NTRK2: variants seen among roughly 807,000 people sequenced by gnomAD.
NTRK2 encodes neurotrophic receptor tyrosine kinase 2, also known as BDNF/NT-3 growth factors receptor.
NTRK2 carries 13 observed loss-of-function variants against 94.5 expected under a neutral mutation model. That is an observed-to-expected ratio of 0.14 (90% confidence interval 0.09 to 0.22). The LOEUF (loss-of-function observed/expected upper bound fraction) is 0.22, where lower values mean the gene tolerates loss of function less well. NTRK2 is among the 10% of genes least tolerant of loss of function. The pLI is 1.00. For synonymous variants in NTRK2, 372 were observed against 407.4 expected, an observed-to-expected ratio of 0.91 and a Z score of 1.05; for missense variants, 639 against 1,071.2, an observed-to-expected ratio of 0.60 and a Z score of 5.63.
intron 11 of NTRK2, among the ~76,000 whole-genome samples, chr9:84,749,088 T>A (rs899447044): frequency 6.6e-6 from 1 of 152,006 alleles, no homozygotes; most frequent in Non-Finnish European, 1.5e-5. Context: ...ATTAGCCAGG[T>A]GTGGTGGCAC....
At chr9:84,745,462 C>T (rs1038885068) in intron 11 of NTRK2, among the ~76,000 whole-genome samples, 7 of 152,002 alleles carry the variant, frequency 4.6e-5, no homozygotes, top group Admixed American at 1.3e-4. Flanking sequence ...AAGGGACTGG[C>T]GGTGGAGGGG....
chr9:84,934,707 G>T (rs964914780), intron 15 of NTRK2, among the ~76,000 whole-genome samples: 16 of 152,070 alleles, frequency 1.1e-4, no homozygotes, highest in African/African-American at 3.9e-4. Context: ...AAGGATTGTG[G>T]ACTTCACTTC....
chr9:84,776,998 T>G (rs1362626956), intron 12 of NTRK2, among the ~76,000 whole-genome samples: 2 of 152,206 alleles, frequency 1.3e-5, no homozygotes, highest in African/African-American at 4.8e-5. Context: ...TTAGAACATC[T>G]TTATCATTGG....
At chr9:84,811,159 G>A in intron 12 of NTRK2, 1 of 1,062,064 alleles carries the variant, frequency 9.4e-7, no homozygotes, top group Non-Finnish European at 1.1e-6. Flanking sequence ...CCATCACTTT[G>A]GGACTTGGTA....
At chr9:85,019,246 A>G (rs1832568464) in intron 17 of NTRK2, among the ~76,000 whole-genome samples, 1 of 152,160 alleles carries the variant, frequency 6.6e-6, no homozygotes, top group South Asian at 2.1e-4. Flanking sequence ...GAGAGGTCCA[A>G]TTTTCTGCTG....
intron 2 of NTRK2, among the ~76,000 whole-genome samples, chr9:84,688,081 A>G (rs1057134370): frequency 6.6e-6 from 1 of 152,138 alleles, no homozygotes; most frequent in Non-Finnish European, 1.5e-5. Flanking sequence ...TCCAAGGAAA[A>G]GGCCTGCTCA....
chr9:84,810,904 C>A (rs2071706266), intron 12 of NTRK2: 1 of 1,210,162 alleles, frequency 8.3e-7, no homozygotes, highest in Non-Finnish European at 1.0e-6. Context: ...TACTTCTCTT[C>A]TGAAAAGTGT....
intron 6 of NTRK2, among the ~76,000 whole-genome samples, chr9:84,719,236 A>G (rs1193908537): frequency 6.6e-6 from 1 of 152,152 alleles, no homozygotes. Context: ...AATGTATTTG[A>G]CTTTTCCAAA....
chr9:84,919,943 A>G (rs949292991), intron 14 of NTRK2, among the ~76,000 whole-genome samples: 4 of 152,180 alleles, frequency 2.6e-5, no homozygotes, highest in African/African-American at 9.7e-5. Flanking sequence ...GAATTTCTGT[A>G]AGTCACGTAG....
intron 5 of NTRK2, among the ~76,000 whole-genome samples, chr9:84,709,999 G>A (rs2061337280): frequency 6.6e-6 from 1 of 151,224 alleles, no homozygotes; most frequent in Non-Finnish European, 1.5e-5. Context: ...GTGTGTGTGT[G>A]TGTGTGAAGG....
chr9:84,730,131 A>T (rs1248731152), intron 9 of NTRK2, among the ~76,000 whole-genome samples: 1 of 152,210 alleles, frequency 6.6e-6, no homozygotes, highest in Non-Finnish European at 1.5e-5. Context: ...CTTCTTGTTC[A>T]TGAATTTATT....
rs2074605043 is a variant in NTRK2, at chr9:84,848,791, G to GGTAAACTCTAGTACATTAATTC, written c.1397-12248_1397-12227dup. Among the ~76,000 whole-genome samples, 3 of 152,234 alleles carry GGTAAACTCTAGTACATTAATTC rather than the reference G, an allele frequency of 2.0e-5. No individual in the cohort carries two copies. In the South Asian group the frequency reaches 6.2e-4, roughly 32 times the overall value. The stretch of plus-strand genomic sequence containing the variant: ...TCCAATAATAAAGATTTGCATAATT[G>GGTAAACTCTAGTACATTAATTC]GTAAACTCTAGTACATTAATTCAAA... On this transcript the variant is annotated intron_variant, in intron 12 of 18. Transcript: ENST00000277120.
chr9:84,786,898 T>G (rs1367034530), intron 12 of NTRK2, among the ~76,000 whole-genome samples: 3 of 152,208 alleles, frequency 2.0e-5, no homozygotes, highest in Non-Finnish European at 4.4e-5. Flanking sequence ...CTTTTTAAAT[T>G]GACATTTTAT....
At chr9:84,770,218 G>A (rs2066420260) in intron 12 of NTRK2, among the ~76,000 whole-genome samples, 1 of 150,548 alleles carries the variant, frequency 6.6e-6, no homozygotes, top group Non-Finnish European at 1.5e-5. Context: ...AAGCAGCTGG[G>A]AGTTAAGTGC....
intron 12 of NTRK2, among the ~76,000 whole-genome samples, chr9:84,821,901 G>A (rs1020469413): frequency 6.6e-6 from 1 of 151,824 alleles, no homozygotes; most frequent in South Asian, 2.1e-4. Context: ...TTGGTTATGA[G>A]GTGCATTTTA....
chr9:84,745,024 A>G lies in NTRK2; in HGVS notation c.1247A>G (p.Glu416Gly), dbSNP rs368307071. The G allele has an allele frequency of 4.3e-6, 7 of 1,613,680 alleles. No individual in the cohort carries two copies. Among genetic ancestry groups the G allele is most frequent in the Non-Finnish European group, 5.9e-6 (7 of 1,179,990 alleles). Residue 416 changes from glutamate (E) to glycine (G), a missense_variant, in exon 11 of 19, where the codon GAA becomes GGA. Glu to Gly is a moderately conservative substitution (Grantham distance 98, BLOSUM62 -2). This residue lies in a region of NTRK2 where 343 missense variants were observed against 571.5 expected (regional missense o/e 0.60). Transcript: ENST00000277120. ...GGGGACACCACGAACAGAAGTAATGAAATCCCTTCCACAGACGTCACTGAT... is the reference window on the plus strand; with the variant it reads ...GGGGACACCACGAACAGAAGTAATGGAATCCCTTCCACAGACGTCACTGAT... Reference protein sequence around the residue: ...DIGDTTNRSNEIPSTDVTDKT... With the variant: ...DIGDTTNRSNGIPSTDVTDKT...
chr9:84,957,803 T>C (rs1292271649), intron 17 of NTRK2, among the ~76,000 whole-genome samples: 1 of 152,250 alleles, frequency 6.6e-6, no homozygotes, highest in Non-Finnish European at 1.5e-5. Context: ...ATGTGCATGG[T>C]AGTATTACTA....
At chr9:85,002,334 T>C (rs1564540356) in intron 17 of NTRK2, among the ~76,000 whole-genome samples, 1 of 152,172 alleles carries the variant, frequency 6.6e-6, no homozygotes, top group African/African-American at 2.4e-5. Flanking sequence ...GATCATGAAA[T>C]GCCTGGCCCA....
chr9:84,828,113 T>C (rs13286073), intron 12 of NTRK2, among the ~76,000 whole-genome samples: 3,837 of 152,356 alleles, frequency 0.025, 77 homozygotes, highest in Middle Eastern at 0.041. Context: ...TTTAATAGAC[T>C]TTTTAATTAA....
Sources: allele counts gnomAD v4.1 joint callset (sites outside exome capture counted in the v4.1 genomes callset), GRCh38; gene constraint gnomAD v4.1.1; regional missense constraint gnomAD v4.1.1; transcripts MANE v1.5; gene names NCBI Gene and HGNC (gene_info 2026-07-23, HGNC 2026-07-21).